SMURF1: variants seen among roughly 807,000 people sequenced by gnomAD.
SMURF1 encodes E3 ubiquitin-protein ligase SMURF1.
A neutral mutation model predicts 98.0 loss-of-function variants in SMURF1; 44 were observed. The ratio of observed to expected loss-of-function variants is 0.45; its 90% CI spans 0.35 to 0.58. SMURF1 has a LOEUF of 0.58. Among genes scored for constraint, SMURF1 ranks in the 20% least tolerant of loss-of-function variants. The pLI is 0.00. For missense variants in SMURF1, 687 were observed against 938.4 expected, an observed-to-expected ratio of 0.73 and a Z score of 3.50; for synonymous variants, 396 against 374.9, an observed-to-expected ratio of 1.06 and a Z score of -0.65.
At chr7:99,123,348 C>G (rs955977835) in intron 1 of SMURF1, among the ~76,000 whole-genome samples, 4 of 152,068 alleles carry the variant, frequency 2.6e-5, no homozygotes, top group Admixed American at 2.6e-4. Context: ...GCCTGGGCAA[C>G]ATTGTGAGAC....
intron 1 of SMURF1, among the ~76,000 whole-genome samples, chr7:99,084,395 G>A (rs1796634438): frequency 6.6e-6 from 1 of 152,096 alleles, no homozygotes; most frequent in South Asian, 2.1e-4. Context: ...CCGCCCGAGG[G>A]TTGAACAAAT....
intron 8 of SMURF1, 28 bp downstream of exon 8, chr7:99,051,329 T>TG (rs540167111): frequency 9.1e-5 from 143 of 1,577,612 alleles, no homozygotes; most frequent in Admixed American, 1.7e-4. Context: ...GAAAGACAGC[T>TG]GGGGGGTGTC....
chr7:99,136,903 T>C (rs1179160025), intron 1 of SMURF1, among the ~76,000 whole-genome samples: 3 of 152,228 alleles, frequency 2.0e-5, no homozygotes, highest in Non-Finnish European at 4.4e-5. Context: ...TGAGCTGTTA[T>C]GGTGCCACTG....
chr7:99,119,861 T>C (rs1488197559), intron 1 of SMURF1, among the ~76,000 whole-genome samples: 1 of 152,216 alleles, frequency 6.6e-6, no homozygotes, highest in Non-Finnish European at 1.5e-5. Flanking sequence ...TCAACTCTTT[T>C]GTCTTGACTC....
At chr7:99,045,905 A>T (rs747952365) in intron 10 of SMURF1, 104 bp from the exon 11 acceptor site, 14 of 818,468 alleles carry the variant, frequency 1.7e-5, no homozygotes, top group Non-Finnish European at 2.7e-5. Flanking sequence ...ATCCATTCCA[A>T]TTCAAGTTTT....
At position 99,114,070 on chromosome 7, in the gene SMURF1, ATAAAG is replaced by A. The variant is rs539494980; in HGVS notation, c.55+29651_55+29655del. On this transcript the variant is annotated intron_variant, in intron 1 of 17. Coordinates refer to ENST00000361368, the MANE Select transcript of SMURF1 (RefSeq NM_181349.3). Reference sequence around the variant, plus strand: ...AGATATAATCTGTGACAATAACAAGATAAAGTGGTGGACAGAACTATATAAGAGCA... The same window carrying A: ...AGATATAATCTGTGACAATAACAAGATGGTGGACAGAACTATATAAGAGCA... Among the ~76,000 whole-genome samples the A allele has an allele frequency of 6.6e-5, 10 of 152,252 alleles. No homozygotes were observed. In the South Asian group the frequency reaches 1.7e-3, roughly 25 times the overall value.
intron 12 of SMURF1, among the ~76,000 whole-genome samples, chr7:99,041,222 C>A (rs1392769388): frequency 6.6e-6 from 1 of 152,014 alleles, no homozygotes; most frequent in Non-Finnish European, 1.5e-5. Flanking sequence ...GCCAACATGG[C>A]AAAACCCCAT....
intron 1 of SMURF1, among the ~76,000 whole-genome samples, chr7:99,083,728 AC>A (rs565351178): frequency 3.9e-4 from 59 of 152,132 alleles, no homozygotes; most frequent in African/African-American, 1.4e-3. Flanking sequence ...TGGATTTCAA[AC>A]CCCCCCAAAA....
intron 1 of SMURF1, among the ~76,000 whole-genome samples, chr7:99,085,219 G>C (rs1796653529): frequency 6.6e-6 from 1 of 151,968 alleles, no homozygotes; most frequent in African/African-American, 2.4e-5. Context: ...TGGGCATGGT[G>C]GTGGGTGCCT....
At position 99,128,099 on chromosome 7, in the gene SMURF1, C is replaced by T. The variant is rs1004887831; in HGVS notation, c.55+15627G>A. 7.9e-5 allele frequency among the ~76,000 whole-genome samples: 12 copies of T among 152,062 alleles called. No individual in the cohort carries two copies. In the East Asian group the frequency reaches 1.5e-3, roughly 20 times the overall value. ...TGGGGTTTCCAAAAAAAAATAATATCGCTGTTTCAGAATGCATTAAGATAT... is the reference window on the plus strand; with the variant it reads ...TGGGGTTTCCAAAAAAAAATAATATTGCTGTTTCAGAATGCATTAAGATAT... On this transcript the variant is annotated intron_variant, in intron 1 of 17. Transcript: ENST00000361368.
intron 12 of SMURF1, among the ~76,000 whole-genome samples, chr7:99,041,734 G>A (rs1795393684): frequency 6.6e-6 from 1 of 152,214 alleles, no homozygotes; most frequent in African/African-American, 2.4e-5. Flanking sequence ...AGCATTTGTG[G>A]CTTAAAAAGC....
At chr7:99,052,150 C>G in intron 7 of SMURF1, 55 bp downstream of exon 7, 2 of 1,444,102 alleles carry the variant, frequency 1.4e-6, no homozygotes, top group Non-Finnish European at 9.1e-7. Context: ...AAAAAAAAGT[C>G]AACTCATGGA....
chr7:99,065,190 G>A (rs1480860635), intron 1 of SMURF1, among the ~76,000 whole-genome samples: 1 of 151,758 alleles, frequency 6.6e-6, no homozygotes, highest in Admixed American at 6.6e-5. Flanking sequence ...AGCTTCCCAG[G>A]CTCAGGTGAG....
intron 3 of SMURF1, among the ~76,000 whole-genome samples, chr7:99,058,976 C>T (rs1005842624): frequency 6.6e-6 from 1 of 152,030 alleles, no homozygotes; most frequent in Non-Finnish European, 1.5e-5. Flanking sequence ...CCCAGCTACT[C>T]GGGAGGCTGA....
chr7:99,041,437 G>A (rs544655658), intron 12 of SMURF1, among the ~76,000 whole-genome samples: 5 of 152,278 alleles, frequency 3.3e-5, no homozygotes, highest in South Asian at 2.1e-4. Context: ...AACCAGAGCC[G>A]TTCTGGTCTT....
intron 16 of SMURF1, among the ~76,000 whole-genome samples, chr7:99,034,360 C>G (rs756145170): frequency 1.3e-5 from 2 of 152,172 alleles, no homozygotes; most frequent in Admixed American, 1.3e-4. Flanking sequence ...CTAATGAGAC[C>G]CTTACAATGA....
At chr7:99,095,806 A>AC (rs1796945272) in intron 1 of SMURF1, among the ~76,000 whole-genome samples, 2 of 152,216 alleles carry the variant, frequency 1.3e-5, no homozygotes, top group African/African-American at 2.4e-5. Flanking sequence ...ATAACAAAGT[A>AC]CCATCTGCTC....
chr7:99,051,044 T>C (rs1563005830), intron 8 of SMURF1: 8 of 1,462,882 alleles, frequency 5.5e-6, no homozygotes, highest in East Asian at 2.5e-5. Flanking sequence ...ACAGAGTCTT[T>C]ATATTTCCTT....
intron 1 of SMURF1, among the ~76,000 whole-genome samples, chr7:99,138,946 A>G (rs1798054227): frequency 6.6e-6 from 1 of 152,220 alleles, no homozygotes; most frequent in East Asian, 1.9e-4. Context: ...CCTAAACTTG[A>G]GGCAGACCCT....
Sources: allele counts gnomAD v4.1 joint callset (sites outside exome capture counted in the v4.1 genomes callset), GRCh38; gene constraint gnomAD v4.1.1; transcripts MANE v1.5; gene names NCBI Gene and HGNC (gene_info 2026-07-23, HGNC 2026-07-21).